The following DCLK2 variants were observed in gnomAD, a reference collection of about 807,000 sequenced individuals.
The protein encoded by DCLK2 is doublecortin like kinase 2.
DCLK2 carries 31 observed loss-of-function variants against 78.4 expected under a neutral mutation model. That is an observed-to-expected ratio of 0.40 (90% CI 0.30 to 0.53). The LOEUF (loss-of-function observed/expected upper bound fraction) is 0.53, where lower values mean the gene tolerates loss of function less well. Ranked by LOEUF, DCLK2 falls within the 20% of genes least tolerant of loss-of-function variation. The probability of loss-of-function intolerance (pLI) is 0.61; values close to 1 mark genes in which losing one functional copy is unlikely to be tolerated. For missense variants in DCLK2, 872 were observed against 973.7 expected (o/e 0.90, Z 1.39); for synonymous variants, 407 against 374.9 (o/e 1.09, Z -0.99).
At position 150,121,346 on chromosome 4, in the gene DCLK2, T is replaced by G. The variant is rs1037336579; in HGVS notation, c.756+18534T>G. Among the ~76,000 whole-genome samples the G allele has an allele frequency of 9.2e-5, 14 of 152,242 alleles. 1 individual carries two copies. Among genetic ancestry groups the G allele is most frequent in the South Asian group, 2.1e-4 (1 of 4,832 alleles). ...TTATGGAATATTCTAAATCCTTTGTTGCCATTTCAACAATGTTCATGGCAT... is the reference window on the plus strand; with the variant it reads ...TTATGGAATATTCTAAATCCTTTGTGGCCATTTCAACAATGTTCATGGCAT... On this transcript the variant is annotated intron_variant, in intron 2 of 15. Coordinates refer to ENST00000296550, the MANE Select transcript of DCLK2 (RefSeq NM_001040260.4).
chr4:150,211,701 C>A (rs913776663), intron 5 of DCLK2, among the ~76,000 whole-genome samples: 3 of 152,052 alleles, frequency 2.0e-5, no homozygotes, highest in African/African-American at 7.2e-5. Flanking sequence ...CTGCTGACTC[C>A]CTACTCATTC....
intron 5 of DCLK2, among the ~76,000 whole-genome samples, chr4:150,211,048 G>A (rs1740274412): frequency 6.6e-6 from 1 of 152,148 alleles, no homozygotes; most frequent in African/African-American, 2.4e-5. Context: ...GTTTTTACGG[G>A]TCAGAAATTC....
rs113055456 is a variant in DCLK2 at position 150,237,677 on chromosome 4, A to G, written c.1567-2065A>G. Among the ~76,000 whole-genome samples, 613 of 151,942 alleles carry G rather than the reference A, an allele frequency of 4.0e-3. 3 individuals carry two copies. Among genetic ancestry groups the G allele is most frequent in the Non-Finnish European group, 7.2e-3 (487 of 67,926 alleles). On this transcript the variant is annotated intron_variant, in intron 10 of 15. Transcript: ENST00000296550. Reference sequence around the variant, plus strand: ...TTTTTTACTGATGACTATTTAAATCACTCCCCCTCATTAAGTAGCAGACTA... The same window carrying G: ...TTTTTTACTGATGACTATTTAAATCGCTCCCCCTCATTAAGTAGCAGACTA...
At chr4:150,104,800 A>G (rs894786446) in intron 2 of DCLK2, among the ~76,000 whole-genome samples, 1 of 152,186 alleles carries the variant, frequency 6.6e-6, no homozygotes, top group African/African-American at 2.4e-5. Flanking sequence ...TATCTGAAAC[A>G]ACAAGCCAAT....
intron 2 of DCLK2, among the ~76,000 whole-genome samples, chr4:150,108,552 T>TA (rs1462111896): frequency 6.6e-6 from 1 of 151,496 alleles, no homozygotes; most frequent in Non-Finnish European, 1.5e-5. Context: ...TCAAAAAAAT[T>TA]AAAAAAATAA....
chr4:150,125,404 C>A (rs1732850501), intron 2 of DCLK2, among the ~76,000 whole-genome samples: 1 of 152,064 alleles, frequency 6.6e-6, no homozygotes, highest in African/African-American at 2.4e-5. Flanking sequence ...TTTTCCAGAA[C>A]TTTTATTGTA....
At chr4:150,242,953 T>C (rs1743035396) in intron 12 of DCLK2, among the ~76,000 whole-genome samples, 1 of 152,112 alleles carries the variant, frequency 6.6e-6, no homozygotes, top group African/African-American at 2.4e-5. Context: ...TGATGACAGG[T>C]GATCCTGGGC....
intron 1 of DCLK2, among the ~76,000 whole-genome samples, chr4:150,081,516 A>G (rs1729272681): frequency 6.8e-6 from 1 of 147,434 alleles, no homozygotes; most frequent in East Asian, 1.9e-4. Flanking sequence ...TTGCACAGCC[A>G]AAATTTTTTT....
intron 2 of DCLK2, among the ~76,000 whole-genome samples, chr4:150,133,478 G>C (rs895493353): frequency 6.6e-6 from 1 of 152,176 alleles, no homozygotes; most frequent in Non-Finnish European, 1.5e-5. Context: ...GCAGTGAGCA[G>C]GTCTGAAATG....
intron 5 of DCLK2, among the ~76,000 whole-genome samples, chr4:150,213,776 G>A (rs547699777): frequency 7.7e-4 from 118 of 152,304 alleles, no homozygotes; most frequent in Non-Finnish European, 9.0e-4. Flanking sequence ...ATATACCATA[G>A]TGTATATTTT....
intron 15 of DCLK2, 110 bp from the exon 16 acceptor site, chr4:150,255,907 TCTC>T: frequency 6.8e-7 from 1 of 1,460,602 alleles, no homozygotes. Context: ...TGGCGTTATT[TCTC>T]CTCTTCTGTT....
intron 15 of DCLK2, among the ~76,000 whole-genome samples, chr4:150,250,890 C>A (rs75937245): frequency 4.3e-5 from 3 of 69,896 alleles, no homozygotes; most frequent in African/African-American, 9.5e-5. Context: ...ACTCCCCACA[C>A]CCCCCACACC....
At chr4:150,188,047 C>T (rs1448852254) in intron 2 of DCLK2, among the ~76,000 whole-genome samples, 1 of 152,146 alleles carries the variant, frequency 6.6e-6, no homozygotes, top group East Asian at 1.9e-4. Context: ...GATCCGCACC[C>T]CTTGGCCTCC....
chr4:150,187,529 C>T (rs993035178), intron 2 of DCLK2, among the ~76,000 whole-genome samples: 13 of 152,158 alleles, frequency 8.5e-5, no homozygotes, highest in Non-Finnish European at 1.6e-4. Context: ...ACTGCAGCAC[C>T]CATCCTCTGC....
intron 2 of DCLK2, 45 bp downstream of exon 2, chr4:150,102,857 C>G: frequency 6.6e-7 from 1 of 1,520,520 alleles, no homozygotes; most frequent in Non-Finnish European, 8.8e-7. Flanking sequence ...CTTTTAAACT[C>G]CCTGTGCCAT....
chr4:150,141,900 C>T (rs990241901), intron 2 of DCLK2, among the ~76,000 whole-genome samples: 3 of 152,140 alleles, frequency 2.0e-5, no homozygotes, highest in African/African-American at 7.2e-5. Flanking sequence ...TTGTGCTAAA[C>T]CATACAGCTA....
At chr4:150,151,202 T>C (rs1351351779) in intron 2 of DCLK2, among the ~76,000 whole-genome samples, 3 of 152,218 alleles carry the variant, frequency 2.0e-5, no homozygotes, top group Non-Finnish European at 2.9e-5. Flanking sequence ...CCCAGCTATA[T>C]AGGAGGGAGG....
intron 1 of DCLK2, among the ~76,000 whole-genome samples, chr4:150,099,132 C>T (rs998534984): frequency 6.6e-6 from 1 of 152,192 alleles, no homozygotes; most frequent in African/African-American, 2.4e-5. Flanking sequence ...GAATCTTAAA[C>T]AAGAATCCCT....
At chr4:150,217,634 A>C (rs2126514925) in intron 5 of DCLK2, among the ~76,000 whole-genome samples, 1 of 152,332 alleles carries the variant, frequency 6.6e-6, no homozygotes, top group South Asian at 2.1e-4. Context: ...TCATCTTCTT[A>C]TCCCTTAAAA....
Sources: allele counts gnomAD v4.1 joint callset (sites outside exome capture counted in the v4.1 genomes callset), GRCh38; gene constraint gnomAD v4.1.1; transcripts MANE v1.5; gene names NCBI Gene and HGNC (gene_info 2026-07-23, HGNC 2026-07-21).